GBP7: variants seen among roughly 807,000 people sequenced by gnomAD.
GBP7 encodes the protein guanylate binding protein 7, also known as guanylate-binding protein 7.
GBP7 carries 43 observed loss-of-function variants against 61.3 expected under a neutral mutation model. That is an observed-to-expected ratio of 0.70 (90% CI 0.55 to 0.91). The LOEUF (loss-of-function observed/expected upper bound fraction) is 0.91, where lower values mean the gene tolerates loss of function less well. Among genes scored for constraint, GBP7 ranks in the 40% least tolerant of loss-of-function variants. GBP7 has a pLI of 0.00. For missense variants in GBP7, 717 were observed against 740.5 expected (o/e 0.97, Z 0.37); for synonymous variants, 267 against 271.0 (o/e 0.99, Z 0.14).
intron 9 of GBP7, among the ~76,000 whole-genome samples, chr1:89,136,181 A>G (rs1297848615): frequency 3.3e-5 from 5 of 152,234 alleles, no homozygotes; most frequent in Non-Finnish European, 7.4e-5. Flanking sequence ...AAAGAGACCT[A>G]TGAAGAGACT....
chr1:89,162,753 T>G lies in GBP7; in HGVS notation c.318+1978A>C, dbSNP rs542432018. Among the ~76,000 whole-genome samples the G allele has an allele frequency of 4.6e-5, 7 of 152,340 alleles. No homozygotes were observed. The East Asian group carries it at 5.8e-4, about 13-fold the overall frequency. ...CTTTTCCTGTTTGGATGCCCTTTAT[T>G]GCTTTCTCTTGCCTGATTGTCCTGG... On this transcript the variant is annotated intron_variant, in intron 3 of 10. Transcript: ENST00000294671.
chr1:89,174,827 A>G (rs945763556), intron 1 of GBP7, among the ~76,000 whole-genome samples: 4 of 152,172 alleles, frequency 2.6e-5, no homozygotes, highest in African/African-American at 9.7e-5. Flanking sequence ...TATTACCTCC[A>G]TGTATATCAG....
chr1:89,167,929 G>A (rs1231465239), intron 2 of GBP7, among the ~76,000 whole-genome samples: 1 of 152,184 alleles, frequency 6.6e-6, no homozygotes, highest in Non-Finnish European at 1.5e-5. Flanking sequence ...TTAAAGGCAT[G>A]TCAGAATAAT....
intron 3 of GBP7, among the ~76,000 whole-genome samples, chr1:89,160,662 A>G (rs1164455842): frequency 6.6e-6 from 1 of 152,208 alleles, no homozygotes; most frequent in Non-Finnish European, 1.5e-5. Context: ...GTGTTTAGTA[A>G]ATAACTAAAA....
intron 5 of GBP7, among the ~76,000 whole-genome samples, chr1:89,151,347 A>G (rs1399664923): frequency 6.6e-6 from 1 of 152,190 alleles, no homozygotes; most frequent in Non-Finnish European, 1.5e-5. Context: ...AGCATCATGG[A>G]CTTTCTCAAT....
chr1:89,153,927 A>G (rs1682257856), intron 3 of GBP7, among the ~76,000 whole-genome samples: 1 of 152,252 alleles, frequency 6.6e-6, no homozygotes. Context: ...TGAGAGACCC[A>G]ACAGAACCCA....
intron 3 of GBP7, among the ~76,000 whole-genome samples, chr1:89,159,555 T>A (rs1682388249): frequency 6.6e-6 from 1 of 152,082 alleles, no homozygotes. Flanking sequence ...GGGCGAAGGA[T>A]ATGAACAGAC....
intron 3 of GBP7, among the ~76,000 whole-genome samples, chr1:89,162,499 A>G (rs952263259): frequency 2.6e-5 from 4 of 151,534 alleles, no homozygotes; most frequent in Non-Finnish European, 5.9e-5. Flanking sequence ...TTACCTCCCT[A>G]GTTAGCTGTA....
intron 9 of GBP7, among the ~76,000 whole-genome samples, chr1:89,135,401 AT>A (rs1193838210): frequency 1.3e-5 from 2 of 152,164 alleles, no homozygotes; most frequent in African/African-American, 4.8e-5. Flanking sequence ...TGGTCATCAG[AT>A]TTTCCAAGGT....
At chr1:89,134,682 G>A (rs1681757503) in intron 9 of GBP7, among the ~76,000 whole-genome samples, 1 of 149,526 alleles carries the variant, frequency 6.7e-6, no homozygotes, top group Non-Finnish European at 1.5e-5. Flanking sequence ...CAAAATAAAA[G>A]CCAAAAACCC....
At chr1:89,156,290 A>G (rs570373217) in intron 3 of GBP7, among the ~76,000 whole-genome samples, 41 of 152,336 alleles carry the variant, frequency 2.7e-4, no homozygotes, top group African/African-American at 8.9e-4. Context: ...AAGAAACTGC[A>G]TCAACTAACT....
chr1:89,134,031 A>G (rs1681739071), intron 9 of GBP7, among the ~76,000 whole-genome samples: 1 of 152,182 alleles, frequency 6.6e-6, no homozygotes, highest in South Asian at 2.1e-4. Flanking sequence ...CAGATCCAGT[A>G]TGGTCTGAGC....
At chr1:89,144,784 A>C (rs889682905) in intron 8 of GBP7, among the ~76,000 whole-genome samples, 1 of 152,088 alleles carries the variant, frequency 6.6e-6, no homozygotes, top group East Asian at 1.9e-4. Context: ...AATTTCTAGT[A>C]TAAAGTACAT....
intron 6 of GBP7, 86 bp from the exon 7 acceptor site, chr1:89,149,658 A>G (rs1682147900): frequency 2.5e-6 from 3 of 1,179,766 alleles, no homozygotes; most frequent in Non-Finnish European, 3.5e-6. Flanking sequence ...TCTAAAAATC[A>G]GAAAAAATTC....
chr1:89,165,500 C>CAA (rs373264074), intron 2 of GBP7, among the ~76,000 whole-genome samples: 5,118 of 59,528 alleles, frequency 0.086, 306 homozygotes, highest in African/African-American at 0.25. Context: ...GACTCCGTCT[C>CAA]AAAAAAAAAG....
intron 3 of GBP7, among the ~76,000 whole-genome samples, chr1:89,159,554 A>G (rs1340012483): frequency 6.6e-6 from 1 of 152,266 alleles, no homozygotes; most frequent in Non-Finnish European, 1.5e-5. Context: ...TGGGCGAAGG[A>G]TATGAACAGA....
intron 3 of GBP7, among the ~76,000 whole-genome samples, chr1:89,156,385 T>G (rs961759556): frequency 1.3e-5 from 2 of 151,996 alleles, no homozygotes; most frequent in Non-Finnish European, 2.9e-5. Flanking sequence ...GGCTAAATGC[T>G]CCAATTAAAA....
intron 9 of GBP7, among the ~76,000 whole-genome samples, chr1:89,136,010 A>G (rs899275338): frequency 3.3e-5 from 5 of 152,238 alleles, no homozygotes; most frequent in African/African-American, 1.2e-4. Flanking sequence ...AGGGGTTGCT[A>G]TTCTTATTTC....
At chr1:89,148,408 A>G (rs896192385) in intron 7 of GBP7, among the ~76,000 whole-genome samples, 7 of 152,220 alleles carry the variant, frequency 4.6e-5, no homozygotes, top group Non-Finnish European at 7.4e-5. Flanking sequence ...CACTATCCAT[A>G]GTCCCTGGGC....
Sources: gnomAD v4.1 joint callset for allele counts (sites outside exome capture counted in the v4.1 genomes callset) on GRCh38, gnomAD v4.1.1 for gene constraint, MANE v1.5 for transcripts, NCBI Gene and HGNC (gene_info 2026-07-23, HGNC 2026-07-21) for gene names.